The following XKR4 variants were observed in gnomAD, a reference collection of about 807,000 sequenced individuals.
XKR4 encodes XK related 4, also known as XK-related protein 4.
In XKR4, 12 loss-of-function variants were observed where a neutral mutation model predicts 53.9. The ratio of observed to expected loss-of-function variants is 0.22; its 90% CI spans 0.14 to 0.36. The LOEUF (loss-of-function observed/expected upper bound fraction) is 0.36, where lower values mean the gene tolerates loss of function less well. XKR4 is among the 10% of genes least tolerant of loss of function. The pLI, the probability that XKR4 is intolerant of heterozygous loss-of-function variation, is 1.00. For missense variants in XKR4, 799 were observed against 859.5 expected, an observed-to-expected ratio of 0.93 and a Z score of 0.88; for synonymous variants, 354 against 362.4, an observed-to-expected ratio of 0.98 and a Z score of 0.26.
In XKR4 at chr8:55,538,976, A is replaced by G. The variant is rs936782957; in HGVS notation, c.*14749A>G. On this transcript the variant is annotated 3_prime_UTR_variant, in exon 3 of 3. Coordinates refer to ENST00000327381, the MANE Select transcript of XKR4 (RefSeq NM_052898.2). ...CGGAGAAGTTTTTACACAGGGCTTC[A>G]GCTATATACTGATATACATATGCTT... is the stretch of plus-strand genomic sequence containing the variant. The G allele has an allele frequency of 2.0e-5, 3 of 152,216 alleles. No individual in the cohort carries two copies. The highest frequency in any genetic ancestry group is 7.2e-5 in the African/African-American group (3 of 41,442). 9.4% of individuals were successfully genotyped at this position (152,216 alleles called of 1,614,324 possible).
intron 1 of XKR4, among the ~76,000 whole-genome samples, chr8:55,186,651 G>A (rs555116652): frequency 2.0e-3 from 310 of 152,062 alleles, no homozygotes; most frequent in African/African-American, 6.7e-3. Context: ...GTGAGACTCC[G>A]TCTCAAAAAT....
intron 1 of XKR4, among the ~76,000 whole-genome samples, chr8:55,128,283 G>A (rs535389153): frequency 5.8e-4 from 88 of 152,244 alleles, no homozygotes; most frequent in African/African-American, 1.9e-3. Flanking sequence ...TTTAATGATC[G>A]CCATTCTAAC....
At chr8:55,158,957 A>C (rs1395540894) in intron 1 of XKR4, among the ~76,000 whole-genome samples, 1 of 152,174 alleles carries the variant, frequency 6.6e-6, no homozygotes, top group African/African-American at 2.4e-5. Context: ...TACCTCGGAC[A>C]TTCTGGCTCT....
chr8:55,491,396 A>G (rs1001936307), intron 2 of XKR4, among the ~76,000 whole-genome samples: 1 of 151,884 alleles, frequency 6.6e-6, no homozygotes, highest in African/African-American at 2.4e-5. Context: ...GCATATTTGG[A>G]ATTTGAATTT....
At chr8:55,477,993 C>G (rs1806027653) in intron 2 of XKR4, among the ~76,000 whole-genome samples, 1 of 152,136 alleles carries the variant, frequency 6.6e-6, no homozygotes. Flanking sequence ...AGGATATTAT[C>G]CAGGAGAACT....
chr8:55,199,274 T>C (rs1423462229), intron 1 of XKR4, among the ~76,000 whole-genome samples: 1 of 152,236 alleles, frequency 6.6e-6, no homozygotes, highest in East Asian at 1.9e-4. Context: ...AGAATTCAGC[T>C]ATCCCTAGAT....
chr8:55,244,953 G>A (rs557453490), intron 1 of XKR4, among the ~76,000 whole-genome samples: 2 of 147,612 alleles, frequency 1.4e-5, no homozygotes, highest in East Asian at 2.0e-4. Flanking sequence ...CTGGGCTGGA[G>A]TGTAATAGCG....
intron 1 of XKR4, among the ~76,000 whole-genome samples, chr8:55,267,082 G>A (rs1032692778): frequency 3.9e-4 from 59 of 152,298 alleles, no homozygotes; most frequent in African/African-American, 1.3e-3. Flanking sequence ...AAGCATTTTG[G>A]AAGTTTTAGT....
intron 1 of XKR4, among the ~76,000 whole-genome samples, chr8:55,207,819 T>C (rs1817672021): frequency 6.6e-6 from 1 of 152,062 alleles, no homozygotes; most frequent in Non-Finnish European, 1.5e-5. Flanking sequence ...TGATTAAATC[T>C]AAGAAACCAG....
At chr8:55,325,900 A>T (rs1209107760) in intron 1 of XKR4, among the ~76,000 whole-genome samples, 1 of 152,256 alleles carries the variant, frequency 6.6e-6, no homozygotes, top group East Asian at 1.9e-4. Flanking sequence ...AGTTGAGGAG[A>T]TAAAACTTGT....
At chr8:55,450,054 T>C in intron 2 of XKR4, 2 of 767,284 alleles carry the variant, frequency 2.6e-6, no homozygotes, top group Admixed American at 3.7e-5. Flanking sequence ...CACGTCCATC[T>C]GGCCGGGCTT....
At chr8:55,172,719 A>C (rs957490370) in intron 1 of XKR4, among the ~76,000 whole-genome samples, 2 of 152,220 alleles carry the variant, frequency 1.3e-5, no homozygotes, top group African/African-American at 4.8e-5. Flanking sequence ...CAAAAAAGAA[A>C]TGTTCTTGCA....
chr8:55,357,739 A>G lies in XKR4; in HGVS notation c.868A>G (p.Arg290Gly). Residue 290 changes from arginine (R) to glycine (G), a missense_variant, in exon 2 of 3, where the codon AGG becomes GGG. Arg to Gly is a moderately radical substitution (Grantham distance 125). Transcript: ENST00000327381. Reference sequence around the variant, plus strand: ...ACAGAGTGGGGAGAATGACAGATGGAGGTTTTACTGGAAAATGGTATATGA... The same window carrying G: ...ACAGAGTGGGGAGAATGACAGATGGGGGTTTTACTGGAAAATGGTATATGA... ...SRQSGENDRWRFYWKMVYEYA... is the reference protein window; with the variant it reads ...SRQSGENDRWGFYWKMVYEYA... 6.2e-7 allele frequency: 1 copy of G among 1,614,156 alleles called. No individual in the cohort carries two copies. The highest frequency in any genetic ancestry group is 1.7e-5 in the Admixed American group (1 of 60,018).
intron 2 of XKR4, among the ~76,000 whole-genome samples, chr8:55,378,863 C>T (rs1046253365): frequency 6.6e-6 from 1 of 152,182 alleles, no homozygotes; most frequent in African/African-American, 2.4e-5. Flanking sequence ...CCCAACACCC[C>T]CTTCTAGCTT....
At chr8:55,425,289 C>T (rs1804995402) in intron 2 of XKR4, among the ~76,000 whole-genome samples, 1 of 152,202 alleles carries the variant, frequency 6.6e-6, no homozygotes, top group African/African-American at 2.4e-5. Flanking sequence ...AAAAATGTAG[C>T]ATCAATGCCA....
chr8:55,333,971 T>A (rs978954837), intron 1 of XKR4, among the ~76,000 whole-genome samples: 2 of 152,220 alleles, frequency 1.3e-5, no homozygotes, highest in Non-Finnish European at 2.9e-5. Flanking sequence ...ACAGTGCTCC[T>A]ATAAAATTAT....
intron 1 of XKR4, among the ~76,000 whole-genome samples, chr8:55,303,477 G>T (rs1235351920): frequency 1.3e-5 from 2 of 152,106 alleles, no homozygotes; most frequent in Non-Finnish European, 2.9e-5. Context: ...TTGTGTCTCT[G>T]CCAGGCTTTG....
At chr8:55,347,373 G>T (rs1803664490) in intron 1 of XKR4, among the ~76,000 whole-genome samples, 1 of 152,146 alleles carries the variant, frequency 6.6e-6, no homozygotes, top group African/African-American at 2.4e-5. Flanking sequence ...TTACATATAG[G>T]TGTCCGTGTG....
chr8:55,223,226 G>A (rs996909764), intron 1 of XKR4, among the ~76,000 whole-genome samples: 18 of 152,280 alleles, frequency 1.2e-4, no homozygotes, highest in Non-Finnish European at 2.4e-4. Flanking sequence ...TCTGATGTTC[G>A]CATAACTGAC....
Sources: gnomAD v4.1 joint callset for allele counts (sites outside exome capture counted in the v4.1 genomes callset) on GRCh38, gnomAD v4.1.1 for gene constraint, MANE v1.5 for transcripts, NCBI Gene and HGNC (gene_info 2026-07-23, HGNC 2026-07-21) for gene names.